Variants in RASGEF1A observed in about 807,000 individuals in gnomAD.
The protein encoded by RASGEF1A is ras-GEF domain-containing family member 1A.
RASGEF1A carries 18 observed loss-of-function variants against 56.4 expected under a neutral mutation model. The observed-to-expected ratio is 0.32, with a 90% CI of 0.22 to 0.47. The LOEUF is 0.47. RASGEF1A is among the 20% of genes least tolerant of loss of function. The pLI is 1.00. For synonymous variants in RASGEF1A, 245 were observed against 242.6 expected, an observed-to-expected ratio of 1.01 and a Z score of -0.09; for missense variants, 422 against 627.1, an observed-to-expected ratio of 0.67 and a Z score of 3.49.
Position 43,266,943 on chromosome 10 carries a change from C to T in RASGEF1A, c.-105G>A, listed in dbSNP as rs965014807. Reference sequence around the variant, plus strand: ...CCGGCGGCGGCTCATGCTCGGCGCCCGGGCCCGCGGCACCCGCCCACCCGC... The same window carrying T: ...CCGGCGGCGGCTCATGCTCGGCGCCTGGGCCCGCGGCACCCGCCCACCCGC... On this transcript the variant is annotated 5_prime_UTR_variant, in exon 1 of 13. Transcript: ENST00000395810. 6.8e-6 allele frequency: 1 copy of T among 146,046 alleles called. No homozygotes were observed. The highest frequency in any genetic ancestry group is 1.5e-5 in the Non-Finnish European group (1 of 65,778). The allele number at this position is 146,046 out of a possible 1,614,324, so 9.0% of individuals were successfully genotyped here. A position where few individuals can be genotyped will look rare whatever the true frequency, so the allele number is the denominator to read the frequency against.
At chr10:43,208,303 G>A in intron 1 of RASGEF1A, 1 of 985,646 alleles carries the variant, frequency 1.0e-6, no homozygotes, top group Non-Finnish European at 1.2e-6. Context: ...GGTAGTATGT[G>A]GGGGATGCAC....
chr10:43,249,775 C>G (rs1201091824), intron 1 of RASGEF1A, among the ~76,000 whole-genome samples: 1 of 152,172 alleles, frequency 6.6e-6, no homozygotes, highest in Non-Finnish European at 1.5e-5. Context: ...AGGTGGGCCC[C>G]AGAGTGTCCC....
intron 1 of RASGEF1A, among the ~76,000 whole-genome samples, chr10:43,250,300 C>T (rs959340240): frequency 6.6e-6 from 1 of 152,176 alleles, no homozygotes; most frequent in Non-Finnish European, 1.5e-5. Flanking sequence ...GGGAGAGCAC[C>T]TGTCATGGAC....
At position 43,195,009 on chromosome 10, in the gene RASGEF1A, T is replaced by G. The variant is rs1232615748; in HGVS notation, c.*1235A>C. The G allele has an allele frequency of 6.6e-6, 1 of 152,240 alleles. No individual in the cohort carries two copies. The highest frequency in any genetic ancestry group is 1.5e-5 in the Non-Finnish European group (1 of 68,042). 9.4% of individuals were successfully genotyped at this position (152,240 alleles called of 1,614,324 possible). The stretch of plus-strand genomic sequence containing the variant: ...TGTCTTCAGGCTCTTCCAGGAGCTT[T>G]GGGAATTGGGACCTGGCCCATCCTC... On this transcript the variant is annotated 3_prime_UTR_variant, in exon 13 of 13. Coordinates refer to ENST00000395810, the MANE Select transcript of RASGEF1A (RefSeq NM_145313.4). The surrounding 1 kb of genome is among the most constrained non-coding windows in gnomAD (Gnocchi z 4.2).
intron 1 of RASGEF1A, chr10:43,207,035 C>T: frequency 1.0e-6 from 1 of 985,512 alleles, no homozygotes. Context: ...GAGTCTGAAG[C>T]CCTCTGGGCC....
chr10:43,234,055 A>T (rs1232751929), intron 1 of RASGEF1A, among the ~76,000 whole-genome samples: 1 of 152,112 alleles, frequency 6.6e-6, no homozygotes, highest in Non-Finnish European at 1.5e-5. Flanking sequence ...TCACCCCCAG[A>T]GGTCTGGGGT....
rs908124707 is a variant in RASGEF1A, at chr10:43,202,049, T to G, written c.322-104A>C. The G allele has an allele frequency of 7.8e-6, 10 of 1,287,844 alleles. No homozygotes were observed. In the Admixed American group the frequency reaches 1.4e-4, roughly 18 times the overall value. 79.8% of individuals were successfully genotyped at this position (1,287,844 alleles called of 1,614,324 possible). On this transcript the variant is annotated intron_variant, in intron 3 of 12. Coordinates refer to ENST00000395810, the MANE Select transcript of RASGEF1A (RefSeq NM_145313.4). Reference sequence around the variant, plus strand: ...CATCCCCAAGCCACACCCCAGGCCCTGTGCTGGGCACAGCCCCCAACTGCG... The same window carrying G: ...CATCCCCAAGCCACACCCCAGGCCCGGTGCTGGGCACAGCCCCCAACTGCG...
chr10:43,244,261 G>A (rs1158414183), intron 1 of RASGEF1A, among the ~76,000 whole-genome samples: 2 of 138,518 alleles, frequency 1.4e-5, no homozygotes, highest in African/African-American at 5.2e-5. Context: ...AAGGCCGCAG[G>A]GACCTCTGCC....
In RASGEF1A at chr10:43,207,382, C is replaced by T. The variant is rs546477110; in HGVS notation, c.-6-1260G>A. 18 of 983,414 alleles carry T rather than the reference C, an allele frequency of 1.8e-5. No homozygotes were observed. In the African/African-American group the frequency reaches 2.4e-4, roughly 13 times the overall value. 60.9% of individuals were successfully genotyped at this position (983,414 alleles called of 1,614,324 possible). ...AGAGAGCGGACCACCTGCCCACACC[C>T]CCCACGTCAACACACACACACACAC... On this transcript the variant is annotated intron_variant, in intron 1 of 12. Transcript: ENST00000395810.
intron 1 of RASGEF1A, among the ~76,000 whole-genome samples, chr10:43,240,268 C>T (rs1011358565): frequency 6.6e-6 from 1 of 152,176 alleles, no homozygotes; most frequent in Non-Finnish European, 1.5e-5. Context: ...TTCAGTGCCA[C>T]ACACAAAAGA....
chr10:43,239,826 A>C (rs1840480481), intron 1 of RASGEF1A, among the ~76,000 whole-genome samples: 1 of 152,216 alleles, frequency 6.6e-6, no homozygotes, highest in Admixed American at 6.5e-5. Context: ...CATATTCCCC[A>C]AGGTTCATTG....
At position 43,201,892 on chromosome 10, in the gene RASGEF1A, G is replaced by C. The variant is rs778285644; in HGVS notation, c.375C>G (p.Thr125=). 1.9e-6 allele frequency: 3 copies of C among 1,611,958 alleles called. No homozygotes were observed. Among genetic ancestry groups the C allele is most frequent in the African/African-American group, 2.7e-5 (2 of 74,998 alleles). The change falls in exon 4 of 13, where the codon ACC becomes ACG. Residue 125 remains threonine, a synonymous_variant. Coordinates refer to ENST00000395810, the MANE Select transcript of RASGEF1A (RefSeq NM_145313.4). ...AKIVQLLKEW[T]EAFPYDFQDE... The stretch of plus-strand genomic sequence containing the variant: ...CCTGGAAGTCATAGGGGAAGGCCTC[G>C]GTCCACTCCTTCAGGAGCTGCACGA...
chr10:43,241,962 C>T lies in RASGEF1A; in HGVS notation c.-7+24883G>A, dbSNP rs1006864893. On this transcript the variant is annotated intron_variant, in intron 1 of 12. Transcript: ENST00000395810. The stretch of plus-strand genomic sequence containing the variant: ...ACCATGCTGGCTAACACAGTGAAAC[C>T]CCATCTCTACTAAAAATACAAAAAA... Among the ~76,000 whole-genome samples the T allele has an allele frequency of 3.3e-5, 5 of 152,030 alleles. No individual in the cohort carries two copies. In the South Asian group the frequency reaches 8.3e-4, roughly 25 times the overall value.
chr10:43,201,934 C>G lies in RASGEF1A; in HGVS notation c.333G>C (p.Lys111Asn), dbSNP rs1204160673. ...LEAGPEKAKL[K>N]SFSAKIVQLL... is the part of the protein sequence containing the mutation. ...GCTGCACGATCTTGGCTGAGAAAGA[C>G]TTCAGCTTGGCCTGGGGCAGCAGGG... is the stretch of plus-strand genomic sequence containing the variant. Residue 111 changes from lysine to asparagine, a missense_variant, in exon 4 of 13, where the codon AAG becomes AAC. Coordinates refer to ENST00000395810, the MANE Select transcript of RASGEF1A (RefSeq NM_145313.4). 2.5e-6 allele frequency: 4 copies of G among 1,607,840 alleles called. No homozygotes were observed. The highest frequency in any genetic ancestry group is 1.1e-5 in the South Asian group (1 of 90,412).
At chr10:43,215,574 A>G (rs953325216) in intron 1 of RASGEF1A, among the ~76,000 whole-genome samples, 1 of 152,162 alleles carries the variant, frequency 6.6e-6, no homozygotes, top group Non-Finnish European at 1.5e-5. Flanking sequence ...TTCGCCCTTC[A>G]AGGGATAACC....
rs1254966 is a variant in RASGEF1A, at chr10:43,194,741, G to A, written c.*1503C>T. ...CTGATCACCCGTGAAGTGCACGTGGGTGTGTACAGAAACCGTTCTAAGGCT... is the reference window on the plus strand; with the variant it reads ...CTGATCACCCGTGAAGTGCACGTGGATGTGTACAGAAACCGTTCTAAGGCT... On this transcript the variant is annotated 3_prime_UTR_variant, in exon 13 of 13. Transcript: ENST00000395810. 0.99 allele frequency: 150,671 copies of A among 152,564 alleles called. 74,427 individuals are homozygous for A. The highest frequency in any genetic ancestry group is 1 in the East Asian group (5,192 of 5,192). 9.5% of individuals were successfully genotyped at this position (152,564 alleles called of 1,614,324 possible).
chr10:43,241,903 T>C (rs916899386), intron 1 of RASGEF1A, among the ~76,000 whole-genome samples: 2 of 152,210 alleles, frequency 1.3e-5, no homozygotes, highest in Non-Finnish European at 2.9e-5. Flanking sequence ...TTTGGGAGGC[T>C]AAGGTGGGTG....
At chr10:43,217,738 G>A (rs1452321312) in intron 1 of RASGEF1A, among the ~76,000 whole-genome samples, 1 of 152,212 alleles carries the variant, frequency 6.6e-6, no homozygotes, top group African/African-American at 2.4e-5. Flanking sequence ...AACAGCAGGT[G>A]CGCCACATCA....
At chr10:43,230,603 G>A (rs1295422078) in intron 1 of RASGEF1A, among the ~76,000 whole-genome samples, 1 of 152,194 alleles carries the variant, frequency 6.6e-6, no homozygotes, top group South Asian at 2.1e-4. Context: ...CGGGGCGGCC[G>A]CTAGGGAGGA....
Sources: gnomAD v4.1 joint callset for allele counts (sites outside exome capture counted in the v4.1 genomes callset) on GRCh38, gnomAD v4.1.1 for gene constraint, Gnocchi (gnomAD v3.1) non-coding constraint, MANE v1.5 for transcripts, NCBI Gene and HGNC (gene_info 2026-07-23, HGNC 2026-07-21) for gene names.